Variants in STK3 observed in about 807,000 individuals in gnomAD.
STK3 encodes the protein serine/threonine-protein kinase 3.
In STK3, 41 loss-of-function variants were observed where a neutral mutation model predicts 58.0. That is an observed-to-expected ratio of 0.71 (90% CI 0.55 to 0.92). STK3 has a LOEUF of 0.92. Among genes scored for constraint, STK3 ranks in the 40% least tolerant of loss-of-function variants. STK3 has a pLI of 0.00. For synonymous variants in STK3, 170 were observed against 191.0 expected, an observed-to-expected ratio of 0.89 and a Z score of 0.91; for missense variants, 479 against 602.7, an observed-to-expected ratio of 0.79 and a Z score of 2.15.
chr8:98,377,879 G>C (rs888236644), intron 2 of STK3, among the ~76,000 whole-genome samples: 1 of 152,176 alleles, frequency 6.6e-6, no homozygotes, highest in Non-Finnish European at 1.5e-5. Flanking sequence ...GGAGGGAAAC[G>C]TGTTTCTTTA....
chr8:98,820,945 T>G (rs1448175948), intron 1 of STK3, among the ~76,000 whole-genome samples: 1 of 152,120 alleles, frequency 6.6e-6, no homozygotes. Flanking sequence ...GCCACTGCAC[T>G]CCAGCCTGGG....
intron 3 of STK3, among the ~76,000 whole-genome samples, chr8:98,762,492 G>A (rs1830686372): frequency 6.6e-6 from 1 of 152,168 alleles, no homozygotes; most frequent in East Asian, 1.9e-4. Context: ...CTGACCTTGT[G>A]ATCCACCCGC....
At chr8:98,742,311 A>G (rs543580083) in intron 4 of STK3, among the ~76,000 whole-genome samples, 193 of 150,876 alleles carry the variant, frequency 1.3e-3, no homozygotes, top group African/African-American at 4.5e-3. Flanking sequence ...TCCTTGATGA[A>G]CGTTGATGCA....
chr8:98,619,331 T>C (rs1207286836), intron 6 of STK3, among the ~76,000 whole-genome samples: 6 of 151,804 alleles, frequency 4.0e-5, no homozygotes, highest in African/African-American at 1.2e-4. Context: ...GGAGTAAAGA[T>C]TTAAACGTTA....
chr8:98,410,316 T>C (rs1295255878), intron 3 of STK3, among the ~76,000 whole-genome samples: 1 of 152,172 alleles, frequency 6.6e-6, no homozygotes, highest in Non-Finnish European at 1.5e-5. Flanking sequence ...CATCTACTTC[T>C]GGAGATAATG....
chr8:98,744,867 G>A (rs938814054), intron 4 of STK3, among the ~76,000 whole-genome samples: 1 of 151,336 alleles, frequency 6.6e-6, no homozygotes, highest in Non-Finnish European at 1.5e-5. Flanking sequence ...AAAAGGGATA[G>A]AAAATTGTGT....
chr8:98,398,504 A>C (rs1586547873), downstream of STK3, among the ~76,000 whole-genome samples: 1 of 151,924 alleles, frequency 6.6e-6, no homozygotes, highest in Non-Finnish European at 1.5e-5. Flanking sequence ...GAAGGCCAAA[A>C]CCCCCAATTC....
intron 1 of STK3, among the ~76,000 whole-genome samples, chr8:98,922,306 G>A (rs1839596116): frequency 6.6e-6 from 1 of 152,176 alleles, no homozygotes; most frequent in South Asian, 2.1e-4. Context: ...GATTGTAGAG[G>A]AGAAATAAAA....
chr8:98,664,367 A>G (rs1484337307), intron 6 of STK3, among the ~76,000 whole-genome samples: 1 of 152,204 alleles, frequency 6.6e-6, no homozygotes, highest in East Asian at 1.9e-4. Flanking sequence ...CATCTGTCCA[A>G]TGGCAATCAC....
In STK3 at chr8:98,800,766, G is replaced by A. The variant is rs1833490317; in HGVS notation, c.26+24749C>T. The stretch of plus-strand genomic sequence containing the variant: ...TGCGGAAGGGGCACCGGGTACCCCA[G>A]CACTGCCGGCCCTCCCGCGCTGAGC... On this transcript the variant is annotated intron_variant, in intron 1 of 10. Coordinates refer to ENST00000419617, the MANE Select transcript of STK3 (RefSeq NM_006281.4). This position sits in a 1 kb window ranked among gnomAD's most constrained non-coding sequence, Gnocchi z 4.8. Among the ~76,000 whole-genome samples, 1 of 152,208 alleles carries A rather than the reference G, an allele frequency of 6.6e-6. No homozygotes were observed. The highest frequency in any genetic ancestry group is 2.1e-4 in the South Asian group (1 of 4,834).
chr8:98,728,937 C>T (rs1249485421), intron 4 of STK3, among the ~76,000 whole-genome samples: 1 of 152,062 alleles, frequency 6.6e-6, no homozygotes, highest in East Asian at 1.9e-4. Context: ...TGAAGAAGCA[C>T]TTAACATCAA....
At chr8:98,767,126 A>C (rs2131443994) in intron 3 of STK3, 117 bp downstream of exon 3, 2 of 1,276,322 alleles carry the variant, frequency 1.6e-6, no homozygotes, top group South Asian at 3.4e-5. Context: ...TGTCTCAAAA[A>C]AAAGAAAAGA....
intron 6 of STK3, among the ~76,000 whole-genome samples, chr8:98,699,346 CCTT>C (rs1825320179): frequency 6.6e-6 from 1 of 152,224 alleles, no homozygotes; most frequent in South Asian, 2.1e-4. Context: ...TCGTCTGAAG[CCTT>C]CTTCTCTCAA....
At chr8:98,345,578 G>C in the STK3 span, among the ~76,000 whole-genome samples, 2 of 152,064 alleles carry the variant, frequency 1.3e-5, no homozygotes, top group South Asian at 4.1e-4. Context: ...AGAATCGTCT[G>C]AAAATATTAG....
chr8:98,834,957 C>G (rs1020627935), intron 3 of STK3, among the ~76,000 whole-genome samples: 3 of 152,132 alleles, frequency 2.0e-5, no homozygotes, highest in African/African-American at 7.2e-5. Flanking sequence ...AAATTGTTAC[C>G]AGGAATTTAC....
At chr8:98,890,584 C>G (rs1404920644) in intron 1 of STK3, among the ~76,000 whole-genome samples, 3 of 152,182 alleles carry the variant, frequency 2.0e-5, no homozygotes, top group South Asian at 2.1e-4. Flanking sequence ...TCTAGGCTTA[C>G]CAATCACTCC....
intron 1 of STK3, chr8:98,778,968 C>T (rs901703796): frequency 3.9e-5 from 6 of 151,926 alleles, no homozygotes; most frequent in African/African-American, 1.5e-4. Flanking sequence ...CAACATGGCA[C>T]ATGTATACAT....
At chr8:98,713,453 C>T (rs564328900) in intron 4 of STK3, among the ~76,000 whole-genome samples, 7 of 152,114 alleles carry the variant, frequency 4.6e-5, no homozygotes, top group African/African-American at 1.7e-4. Context: ...ATATCACCAC[C>T]GATCCCATAG....
At chr8:98,868,696 A>G (rs1436675788) in intron 3 of STK3, among the ~76,000 whole-genome samples, 1 of 152,172 alleles carries the variant, frequency 6.6e-6, no homozygotes, top group African/African-American at 2.4e-5. Flanking sequence ...GACCTAGTGC[A>G]GTGGCTCGTG....
Sources: gnomAD v4.1 joint callset for allele counts (sites outside exome capture counted in the v4.1 genomes callset) on GRCh38, gnomAD v4.1.1 for gene constraint, Gnocchi (gnomAD v3.1) non-coding constraint, MANE v1.5 for transcripts, NCBI Gene and HGNC (gene_info 2026-07-23, HGNC 2026-07-21) for gene names.